The following CACNA1E variants were observed in gnomAD, a reference collection of about 807,000 sequenced individuals.
CACNA1E encodes voltage-dependent R-type calcium channel subunit alpha-1E.
In CACNA1E, 40 loss-of-function variants were observed where a neutral mutation model predicts 259.2. The ratio of observed to expected loss-of-function variants is 0.15; its 90% CI spans 0.12 to 0.20. The LOEUF is 0.20. CACNA1E is among the 10% of genes least tolerant of loss of function. The probability of loss-of-function intolerance (pLI) is 1.00; values close to 1 mark genes in which losing one functional copy is unlikely to be tolerated. For synonymous variants in CACNA1E, 1,104 were observed against 1,138.5 expected, an observed-to-expected ratio of 0.97 and a Z score of 0.61; for missense variants, 1,874 against 3,040.1, an observed-to-expected ratio of 0.62 and a Z score of 9.02.
Position 181,594,519 on chromosome 1 carries a change from C to T in CACNA1E, c.951+13743C>T, listed in dbSNP as rs554403214. ...GTTCAAGTGATTCTTGTGCCTTAGC[C>T]TCCTGAGTAGCTAGGATCACAGGCC... is the stretch of plus-strand genomic sequence containing the variant. On this transcript the variant is annotated intron_variant, in intron 6 of 47. Transcript: ENST00000367573. 2.6e-5 allele frequency among the ~76,000 whole-genome samples: 4 copies of T among 152,302 alleles called. No individual in the cohort carries two copies. The East Asian group carries it at 7.7e-4, about 29-fold the overall frequency.
chr1:181,337,651 C>T (rs1287830975), intron 1 of CACNA1E, among the ~76,000 whole-genome samples: 1 of 152,180 alleles, frequency 6.6e-6, no homozygotes, highest in Non-Finnish European at 1.5e-5. Flanking sequence ...TCTACTATAA[C>T]ATCCTCCAGT....
intron 1 of CACNA1E, among the ~76,000 whole-genome samples, chr1:181,502,767 C>T (rs548360464): frequency 6.1e-4 from 93 of 152,182 alleles, no homozygotes; most frequent in African/African-American, 1.4e-3. Flanking sequence ...GGTATGATCT[C>T]GGCTCACCAC....
chr1:181,497,488 C>T (rs1425395721), intron 1 of CACNA1E, among the ~76,000 whole-genome samples: 1 of 152,198 alleles, frequency 6.6e-6, no homozygotes, highest in Non-Finnish European at 1.5e-5. Context: ...TTCTGTTCCT[C>T]AATATGCATC....
In CACNA1E at chr1:181,758,278, TG is replaced by T. The variant is rs1658264260; in HGVS notation, c.4494+172del. ...TTCAATAACCCAACCTCTGGGGCTT[TG>T]GGGGTCCACTGAGCAAAATGCAGTG... On this transcript the variant is annotated intron_variant, in intron 31 of 47. Transcript: ENST00000367573. The surrounding 1 kb of genome is among the most constrained non-coding windows in gnomAD (Gnocchi z 4.2). 6.6e-6 allele frequency among the ~76,000 whole-genome samples: 1 copy of T among 152,150 alleles called. No homozygotes were observed. The highest frequency in any genetic ancestry group is 2.1e-4 in the South Asian group (1 of 4,828).
intron 3 of CACNA1E, among the ~76,000 whole-genome samples, chr1:181,575,423 A>G (rs921762677): frequency 2.0e-5 from 3 of 151,822 alleles, no homozygotes; most frequent in Non-Finnish European, 4.4e-5. Flanking sequence ...TTTCTCTGAC[A>G]TTTGCTTCTC....
intron 3 of CACNA1E, among the ~76,000 whole-genome samples, chr1:181,545,096 G>C (rs1438305316): frequency 1.3e-5 from 2 of 151,598 alleles, no homozygotes; most frequent in African/African-American, 4.8e-5. Flanking sequence ...AAACATTTCA[G>C]CTCCAAAAAA....
intron 7 of CACNA1E, among the ~76,000 whole-genome samples, chr1:181,693,648 A>T (rs375959423): frequency 2.6e-5 from 4 of 151,980 alleles, no homozygotes; most frequent in African/African-American, 9.7e-5. Flanking sequence ...GACACTGGGT[A>T]CTACTGGAGG....
In CACNA1E at chr1:181,737,314, G is replaced by A. The variant is rs112334071; in HGVS notation, c.3423-211G>A. ...CTGTGGATAATGTATCTTGGCTTGC[G>A]TGCTGCAGCCTCTAACCAATCTGAT... On this transcript the variant is annotated intron_variant, in intron 22 of 47. Coordinates refer to ENST00000367573, the MANE Select transcript of CACNA1E (RefSeq NM_001205293.3). 3.9e-5 allele frequency among the ~76,000 whole-genome samples: 6 copies of A among 152,288 alleles called. No individual in the cohort carries two copies. The East Asian group carries it at 5.8e-4, about 15-fold the overall frequency.
Position 181,646,251 on chromosome 1 carries a change from G to A in CACNA1E, c.952-5087G>A, listed in dbSNP as rs566880256. 2.0e-5 allele frequency among the ~76,000 whole-genome samples: 3 copies of A among 152,322 alleles called. No homozygotes were observed. The South Asian group carries it at 6.2e-4, about 32-fold the overall frequency. ...GTAATCTTGTCCCCCAGAACATTTGGCAATTTTTGATTGTTGCATCTGGAG... is the reference window on the plus strand; with the variant it reads ...GTAATCTTGTCCCCCAGAACATTTGACAATTTTTGATTGTTGCATCTGGAG... On this transcript the variant is annotated intron_variant, in intron 6 of 47. Transcript: ENST00000367573.
chr1:181,600,724 G>C lies in CACNA1E; in HGVS notation c.951+19948G>C, dbSNP rs184926789. 8.1e-4 allele frequency among the ~76,000 whole-genome samples: 123 copies of C among 152,280 alleles called. 1 individual carries two copies. The highest frequency in any genetic ancestry group is 2.9e-3 in the African/African-American group (120 of 41,558). ...GCTGGAGGCATGTTAAATTGGAGTG[G>C]CCTAATTGATGTCTATGAGATAGCC... On this transcript the variant is annotated intron_variant, in intron 6 of 47. Coordinates refer to ENST00000367573, the MANE Select transcript of CACNA1E (RefSeq NM_001205293.3).
At position 181,763,551 on chromosome 1, in the gene CACNA1E, C is replaced by T; in HGVS notation, c.4815+20C>T. On this transcript the variant is annotated intron_variant, in intron 34 of 47. Transcript: ENST00000367573. Reference sequence around the variant, plus strand: ...TTTAAGGTAAGAGGTACCAGCAAATCCTCTCTGAGGGTTGTCATATCAGAC... The same window carrying T: ...TTTAAGGTAAGAGGTACCAGCAAATTCTCTCTGAGGGTTGTCATATCAGAC... 6.5e-7 allele frequency: 1 copy of T among 1,542,482 alleles called. No homozygotes were observed. Among genetic ancestry groups the T allele is most frequent in the Non-Finnish European group, 8.8e-7 (1 of 1,131,088 alleles).
intron 2 of CACNA1E, among the ~76,000 whole-genome samples, chr1:181,434,787 A>G (rs2102267688): frequency 6.6e-6 from 1 of 152,326 alleles, no homozygotes; most frequent in African/African-American, 2.4e-5. Context: ...TTCGGAGCTC[A>G]GGGTGAGGAC....
At chr1:181,324,943 G>A (rs901326440) in intron 1 of CACNA1E, among the ~76,000 whole-genome samples, 1 of 152,166 alleles carries the variant, frequency 6.6e-6, no homozygotes, top group African/African-American at 2.4e-5. Flanking sequence ...CCTGCATCTG[G>A]GAGGGTGGCT....
intron 1 of CACNA1E, among the ~76,000 whole-genome samples, chr1:181,384,483 T>C (rs1010411346): frequency 2.0e-5 from 3 of 152,196 alleles, no homozygotes; most frequent in Non-Finnish European, 4.4e-5. Flanking sequence ...CCTTTTTCCA[T>C]GTAGGGTAGC....
intron 2 of CACNA1E, among the ~76,000 whole-genome samples, chr1:181,437,315 A>G (rs781205646): frequency 7.9e-5 from 12 of 152,188 alleles, no homozygotes; most frequent in Non-Finnish European, 2.9e-5. Context: ...CTCCAGCTCT[A>G]CTAGATCATC....
intron 18 of CACNA1E, among the ~76,000 whole-genome samples, chr1:181,730,544 C>T (rs776521975): frequency 6.6e-6 from 1 of 152,254 alleles, no homozygotes; most frequent in Non-Finnish European, 1.5e-5. Context: ...AGAACAGGGT[C>T]TATGGCCAGG....
chr1:181,650,748 C>T (rs1305414999), intron 6 of CACNA1E, among the ~76,000 whole-genome samples: 1 of 152,162 alleles, frequency 6.6e-6, no homozygotes, highest in Non-Finnish European at 1.5e-5. Context: ...TGCAAGTGAT[C>T]ACTCTTCAAA....
chr1:181,503,300 C>A (rs1665427456), intron 1 of CACNA1E, among the ~76,000 whole-genome samples: 1 of 152,242 alleles, frequency 6.6e-6, no homozygotes, highest in South Asian at 2.1e-4. Flanking sequence ...TCTGTGGGAA[C>A]TGGAGCCAGA....
chr1:181,611,311 C>A (rs1452679041), intron 6 of CACNA1E, among the ~76,000 whole-genome samples: 1 of 152,056 alleles, frequency 6.6e-6, no homozygotes, highest in Non-Finnish European at 1.5e-5. Context: ...TTATTGCATG[C>A]TGACTATGTG....
Sources: allele counts gnomAD v4.1 joint callset (sites outside exome capture counted in the v4.1 genomes callset), GRCh38; gene constraint gnomAD v4.1.1; non-coding constraint Gnocchi (gnomAD v3.1); transcripts MANE v1.5; gene names NCBI Gene and HGNC (gene_info 2026-07-23, HGNC 2026-07-21).